CSMD1: variants seen among roughly 807,000 people sequenced by gnomAD.
CSMD1 encodes CUB and Sushi multiple domains 1.
In CSMD1, 213 loss-of-function variants were observed where a neutral mutation model predicts 417.5. The ratio of observed to expected loss-of-function variants is 0.51; its 90% CI spans 0.46 to 0.57. The LOEUF is 0.57. Ranked by LOEUF, CSMD1 falls within the 20% of genes least tolerant of loss-of-function variation. The pLI is 0.00. For missense variants in CSMD1, 6,923 were observed against 4,529.7 expected, an observed-to-expected ratio of 1.53 and a Z score of -15.17; for synonymous variants, 2,862 against 1,736.8, an observed-to-expected ratio of 1.65 and a Z score of -16.11.
intron 5 of CSMD1, among the ~76,000 whole-genome samples, chr8:3,890,612 A>G (rs535050832): frequency 6.6e-6 from 1 of 152,286 alleles, no homozygotes; most frequent in African/African-American, 2.4e-5. Flanking sequence ...AGCACGTGGC[A>G]TATTTTTCCG....
intron 40 of CSMD1, among the ~76,000 whole-genome samples, chr8:3,143,144 CAG>C (rs1311132286): frequency 6.6e-6 from 1 of 152,144 alleles, no homozygotes; most frequent in Non-Finnish European, 1.5e-5. Context: ...AAACATGCCA[CAG>C]AGTTTTTTTT....
intron 6 of CSMD1, among the ~76,000 whole-genome samples, chr8:3,726,213 C>T (rs1234452290): frequency 6.6e-6 from 1 of 152,134 alleles, no homozygotes; most frequent in South Asian, 2.1e-4. Flanking sequence ...GCCTGCAGCC[C>T]CAGCCAGCAT....
intron 3 of CSMD1, among the ~76,000 whole-genome samples, chr8:4,239,893 G>C (rs971628400): frequency 1.3e-5 from 2 of 152,152 alleles, no homozygotes; most frequent in Non-Finnish European, 2.9e-5. Context: ...TGCAGCATTA[G>C]CAATTTGCAT....
At chr8:3,314,041 G>A (rs894887292) in intron 23 of CSMD1, among the ~76,000 whole-genome samples, 1 of 151,824 alleles carries the variant, frequency 6.6e-6, no homozygotes, top group Non-Finnish European at 1.5e-5. Context: ...AACACCTCAT[G>A]TTCTCACTCA....
chr8:3,982,903 A>G (rs1312107914), intron 5 of CSMD1, among the ~76,000 whole-genome samples: 3 of 152,178 alleles, frequency 2.0e-5, no homozygotes, highest in East Asian at 3.9e-4. Flanking sequence ...TGCCTTTACA[A>G]TAACTTTGAA....
chr8:3,350,293 TTATAATA>T (rs1808332604), intron 21 of CSMD1, among the ~76,000 whole-genome samples: 1 of 149,386 alleles, frequency 6.7e-6, no homozygotes, highest in South Asian at 2.1e-4. Flanking sequence ...TATGTGTGTG[TTATAATA>T]CCTATAATAA....
At chr8:4,314,994 A>G (rs1475194707) in intron 3 of CSMD1, among the ~76,000 whole-genome samples, 1 of 152,092 alleles carries the variant, frequency 6.6e-6, no homozygotes, top group Non-Finnish European at 1.5e-5. Flanking sequence ...GGCTAATAGT[A>G]CTGACAGCCC....
At chr8:3,304,814 G>C (rs911478801) in intron 25 of CSMD1, among the ~76,000 whole-genome samples, 1 of 151,832 alleles carries the variant, frequency 6.6e-6, no homozygotes, top group East Asian at 1.9e-4. Context: ...TGCATTTAGA[G>C]AAAGACAATG....
chr8:3,836,775 C>G lies in CSMD1; in HGVS notation c.819-82733G>C, dbSNP rs188852201. Among the ~76,000 whole-genome samples the G allele has an allele frequency of 5.7e-4, 87 of 152,100 alleles. 1 individual carries two copies. The highest frequency in any genetic ancestry group is 3.4e-3 in the Middle Eastern group (1 of 294). On this transcript the variant is annotated intron_variant, in intron 5 of 69. Transcript: ENST00000635120. ...CAAAAAAATGTATTTTCTCACTGCA[C>G]AATCTTAGTGTTTTATTTATTTCTT... is the stretch of plus-strand genomic sequence containing the variant.
chr8:4,384,778 C>A lies in CSMD1; in HGVS notation c.415+35175G>T, dbSNP rs62479548. On this transcript the variant is annotated intron_variant, in intron 3 of 69. Transcript: ENST00000635120. ...TCAGCAATTCCTACCGGTCGGGCTT[C>A]CCGACTTCACTAATCAGTCCTACAG... Among the ~76,000 whole-genome samples the A allele has an allele frequency of 5.4e-3, 818 of 152,290 alleles. 1 individual carries two copies. The highest frequency in any genetic ancestry group is 8.7e-3 in the Non-Finnish European group (595 of 68,028).
chr8:4,523,717 C>A (rs1302491061), intron 2 of CSMD1, among the ~76,000 whole-genome samples: 6 of 152,180 alleles, frequency 3.9e-5, no homozygotes, highest in Admixed American at 3.9e-4. Flanking sequence ...CTCCTGTTCA[C>A]ACCTCATGGA....
At chr8:4,361,033 C>G (rs898168932) in intron 3 of CSMD1, among the ~76,000 whole-genome samples, 1 of 152,060 alleles carries the variant, frequency 6.6e-6, no homozygotes, top group Admixed American at 6.6e-5. Flanking sequence ...AAAATTAATG[C>G]TATATTGAAA....
At chr8:3,105,038 A>T (rs1816034921) in intron 46 of CSMD1, among the ~76,000 whole-genome samples, 1 of 152,256 alleles carries the variant, frequency 6.6e-6, no homozygotes, top group South Asian at 2.1e-4. Context: ...ATCCATGCAC[A>T]GGTGTGAGCA....
chr8:4,822,226 C>G (rs1253084753), intron 1 of CSMD1, among the ~76,000 whole-genome samples: 4 of 152,062 alleles, frequency 2.6e-5, no homozygotes, highest in African/African-American at 9.7e-5. Flanking sequence ...GGGTTTGCAA[C>G]TTACTTTCAC....
intron 3 of CSMD1, among the ~76,000 whole-genome samples, chr8:4,173,940 C>G (rs1455542628): frequency 6.6e-6 from 1 of 152,198 alleles, no homozygotes; most frequent in East Asian, 1.9e-4. Context: ...CTTCTTCCCT[C>G]AGCCTTGAAA....
chr8:2,995,259 CTG>C (rs1563217117), intron 54 of CSMD1, among the ~76,000 whole-genome samples: 1 of 152,200 alleles, frequency 6.6e-6, no homozygotes, highest in African/African-American at 2.4e-5. Context: ...AGACATTTCA[CTG>C]AAGAGTACAG....
At chr8:3,207,235 C>A (rs1340774843) in intron 30 of CSMD1, among the ~76,000 whole-genome samples, 2 of 150,664 alleles carry the variant, frequency 1.3e-5, no homozygotes, top group Non-Finnish European at 3.0e-5. Flanking sequence ...CAACCTCCGC[C>A]ACCCGGGTTC....
chr8:3,104,884 T>G (rs1229558829), intron 46 of CSMD1, among the ~76,000 whole-genome samples: 5 of 152,060 alleles, frequency 3.3e-5, no homozygotes, highest in Non-Finnish European at 5.9e-5. Context: ...ATTTTGTATT[T>G]TCAGTAGAGA....
intron 2 of CSMD1, among the ~76,000 whole-genome samples, chr8:4,522,902 G>A (rs116459499): frequency 0.013 from 1,983 of 152,244 alleles, 42 homozygotes; most frequent in East Asian, 0.058. Context: ...TAATCCTAAG[G>A]ATCCTACAAA....
Sources: gnomAD v4.1 joint callset for allele counts (sites outside exome capture counted in the v4.1 genomes callset) on GRCh38, gnomAD v4.1.1 for gene constraint, MANE v1.5 for transcripts, NCBI Gene and HGNC (gene_info 2026-07-23, HGNC 2026-07-21) for gene names.